Variants in FSTL5 observed in about 807,000 individuals in gnomAD.
FSTL5 encodes the protein follistatin like 5.
A neutral mutation model predicts 89.1 loss-of-function variants in FSTL5; 62 were observed. That is an observed-to-expected ratio of 0.70 (90% CI 0.57 to 0.86). The LOEUF (loss-of-function observed/expected upper bound fraction) is 0.86. Ranked by LOEUF, FSTL5 falls within the 40% of genes least tolerant of loss-of-function variation. The pLI is 0.00. For synonymous variants in FSTL5, 383 were observed against 346.2 expected, an observed-to-expected ratio of 1.11 and a Z score of -1.18; for missense variants, 1,057 against 1,001.6, an observed-to-expected ratio of 1.06 and a Z score of -0.75.
intron 4 of FSTL5, among the ~76,000 whole-genome samples, chr4:161,829,315 T>C (rs564851223): frequency 1.3e-5 from 2 of 151,262 alleles, no homozygotes; most frequent in South Asian, 2.1e-4. Context: ...TATTAAACTA[T>C]TTCCTTTTAT....
At chr4:162,014,927 G>A (rs1736873763) in intron 3 of FSTL5, among the ~76,000 whole-genome samples, 1 of 152,094 alleles carries the variant, frequency 6.6e-6, no homozygotes, top group Non-Finnish European at 1.5e-5. Context: ...ATTAAAAACA[G>A]CAGCTAGAAA....
At chr4:162,016,988 A>G (rs912891158) in intron 3 of FSTL5, among the ~76,000 whole-genome samples, 1 of 152,216 alleles carries the variant, frequency 6.6e-6, no homozygotes. Context: ...ATAAATTCCA[A>G]GGAGGTTGAT....
At chr4:161,520,865 T>C (rs1190924202) in intron 10 of FSTL5, among the ~76,000 whole-genome samples, 2 of 152,242 alleles carry the variant, frequency 1.3e-5, no homozygotes, top group East Asian at 1.9e-4. Flanking sequence ...CCCAAGAAGA[T>C]GGATTAATTG....
intron 5 of FSTL5, among the ~76,000 whole-genome samples, chr4:161,772,503 A>G (rs1457191256): frequency 1.3e-5 from 2 of 152,194 alleles, no homozygotes; most frequent in African/African-American, 4.8e-5. Context: ...CAGCAGTTTC[A>G]GGATACAAAA....
chr4:161,521,855 AAAAAAAAAAG>A (rs1452289873), intron 10 of FSTL5, among the ~76,000 whole-genome samples: 2 of 140,462 alleles, frequency 1.4e-5, no homozygotes, highest in East Asian at 2.0e-4. Context: ...CCTCAAAAAA[AAAAAAAAAAG>A]AAAAAAAAAG....
intron 15 of FSTL5, among the ~76,000 whole-genome samples, chr4:161,450,029 C>T (rs139495632): frequency 6.6e-6 from 1 of 152,276 alleles, no homozygotes; most frequent in Non-Finnish European, 1.5e-5. Context: ...CTCTGCACCA[C>T]GTTGGTCTCC....
intron 4 of FSTL5, among the ~76,000 whole-genome samples, chr4:161,862,510 G>A (rs1008599697): frequency 3.9e-5 from 6 of 152,134 alleles, no homozygotes; most frequent in Admixed American, 6.5e-5. Context: ...TGAGGTGGGC[G>A]GATAACCAGG....
At chr4:161,494,573 A>G (rs927511625) in intron 12 of FSTL5, among the ~76,000 whole-genome samples, 2 of 152,202 alleles carry the variant, frequency 1.3e-5, no homozygotes, top group Non-Finnish European at 2.9e-5. Context: ...TCTGGACATT[A>G]CAAACAACCT....
intron 1 of FSTL5, among the ~76,000 whole-genome samples, chr4:162,126,009 T>C (rs183944084): frequency 6.6e-6 from 1 of 152,040 alleles, no homozygotes; most frequent in Non-Finnish European, 1.5e-5. Context: ...ATTCAATGTA[T>C]CTTTCTTTTG....
intron 6 of FSTL5, among the ~76,000 whole-genome samples, chr4:161,680,319 C>T (rs1737472074): frequency 6.6e-6 from 1 of 151,788 alleles, no homozygotes; most frequent in African/African-American, 2.4e-5. Context: ...GTGTTGGGTT[C>T]ACCTAGTCAT....
rs1215311774 is a variant in FSTL5, at chr4:161,479,031, G to A, written c.1608+1989C>T. Among the ~76,000 whole-genome samples the A allele has an allele frequency of 4.6e-5, 7 of 152,006 alleles. 1 individual carries two copies. Among genetic ancestry groups the A allele is most frequent in the Non-Finnish European group, 1.5e-5 (1 of 67,944 alleles). ...TCTACACAATAATTTCCTTCAAATA[G>A]GTAGTATCTAGAAGGAGTAATACAA... On this transcript the variant is annotated intron_variant, in intron 13 of 15. Coordinates refer to ENST00000306100, the MANE Select transcript of FSTL5 (RefSeq NM_020116.5).
At chr4:161,617,985 C>A (rs894474358) in intron 7 of FSTL5, among the ~76,000 whole-genome samples, 3 of 152,056 alleles carry the variant, frequency 2.0e-5, no homozygotes, top group African/African-American at 7.2e-5. Flanking sequence ...TGTTTGTATC[C>A]TCTTTTATTT....
intron 5 of FSTL5, among the ~76,000 whole-genome samples, chr4:161,767,955 C>T (rs6854960): frequency 0.21 from 31,859 of 152,016 alleles, 6,147 homozygotes; most frequent in African/African-American, 0.51. Context: ...TGGTAATTAA[C>T]GCACATATGC....
intron 15 of FSTL5, among the ~76,000 whole-genome samples, chr4:161,389,354 A>C (rs910327923): frequency 1.3e-5 from 2 of 152,132 alleles, no homozygotes; most frequent in Non-Finnish European, 2.9e-5. Context: ...CCAATAGAAA[A>C]GTGTGGGCTC....
chr4:161,406,878 A>C (rs1459983573), intron 15 of FSTL5, among the ~76,000 whole-genome samples: 2 of 152,116 alleles, frequency 1.3e-5, no homozygotes, highest in Non-Finnish European at 1.5e-5. Flanking sequence ...ATTTTAATCA[A>C]TTTTGCCCAC....
chr4:162,065,890 AGAGT>A (rs1174291374), intron 2 of FSTL5, among the ~76,000 whole-genome samples: 1 of 152,078 alleles, frequency 6.6e-6, no homozygotes, highest in Non-Finnish European at 1.5e-5. Context: ...ACTTTGTCTG[AGAGT>A]GACTTTGCTA....
At chr4:161,394,211 TCTTA>T (rs1219359487) in intron 15 of FSTL5, among the ~76,000 whole-genome samples, 1 of 152,210 alleles carries the variant, frequency 6.6e-6, no homozygotes, top group African/African-American at 2.4e-5. Context: ...GGTAACATTT[TCTTA>T]CTTCTGGTAA....
chr4:161,456,112 C>CAATAT (rs1364918186), intron 14 of FSTL5, among the ~76,000 whole-genome samples: 1 of 152,068 alleles, frequency 6.6e-6, no homozygotes, highest in Admixed American at 6.5e-5. Flanking sequence ...ACTTCCTGAA[C>CAATAT]AATAGCAAAA....
At chr4:161,636,833 G>A (rs1278465934) in intron 7 of FSTL5, among the ~76,000 whole-genome samples, 2 of 122,070 alleles carry the variant, frequency 1.6e-5, no homozygotes, top group African/African-American at 3.3e-5. Flanking sequence ...TGGTGTATAT[G>A]TGCCACATTT....
Sources: allele counts gnomAD v4.1 joint callset (sites outside exome capture counted in the v4.1 genomes callset), GRCh38; gene constraint gnomAD v4.1.1; transcripts MANE v1.5; gene names NCBI Gene and HGNC (gene_info 2026-07-23, HGNC 2026-07-21).